Variants in WRN observed in about 807,000 individuals in gnomAD.
The protein encoded by WRN is bifunctional 3'-5' exonuclease/ATP-dependent helicase WRN.
Under a neutral mutation model 180.7 loss-of-function variants are expected in WRN, and 149 were observed. The ratio of observed to expected loss-of-function variants is 0.82; its 90% CI spans 0.72 to 0.94. WRN has a LOEUF of 0.94. Ranked by LOEUF, WRN falls within the 40% of genes least tolerant of loss-of-function variation. WRN has a pLI of 0.00. For synonymous variants in WRN, 548 were observed against 568.9 expected, an observed-to-expected ratio of 0.96 and a Z score of 0.52; for missense variants, 1,661 against 1,700.1, an observed-to-expected ratio of 0.98 and a Z score of 0.40.
Position 31,090,371 on chromosome 8 carries a change from CTA to C in WRN, c.1653-92_1653-91del, listed in dbSNP as rs1220695299. 7 of 1,218,442 alleles carry C rather than the reference CTA, an allele frequency of 5.7e-6. No individual in the cohort carries two copies. In the East Asian group the frequency reaches 1.4e-4, roughly 25 times the overall value. 75.5% of individuals were successfully genotyped at this position (1,218,442 alleles called of 1,614,324 possible). A position where few individuals can be genotyped will look rare whatever the true frequency, so the allele number is the denominator to read the frequency against. ...TATGTATGAAGTTTGAAAATAAATT[CTA>C]TGAGAGGAAATGAAAAATTGAATGG... On this transcript the variant is annotated intron_variant, in intron 13 of 34. Coordinates refer to ENST00000298139, the MANE Select transcript of WRN (RefSeq NM_000553.6).
intron 6 of WRN, among the ~76,000 whole-genome samples, chr8:31,067,779 T>C (rs923466139): frequency 3.9e-5 from 6 of 152,212 alleles, no homozygotes; most frequent in Non-Finnish European, 7.4e-5. Context: ...TCCTAACTCA[T>C]GCTTTCATTT....
Position 31,150,410 on chromosome 8 carries a change from T to C in WRN, c.3642T>C (p.Pro1214=), listed in dbSNP as rs777291010. 1.9e-6 allele frequency: 3 copies of C among 1,614,162 alleles called. No homozygotes were observed. Among genetic ancestry groups the C allele is most frequent in the Admixed American group, 3.3e-5 (2 of 60,024 alleles). Residue 1214 remains proline, a synonymous_variant, in exon 31 of 35, where the codon CCT becomes CCC. Coordinates refer to ENST00000298139, the MANE Select transcript of WRN (RefSeq NM_000553.6). ...VSEGKAAMLA[P]LLEVIKHFCQ... is the part of the protein sequence containing the mutation. ...AAGGCAAAGCTGCCATGTTGGCCCC[T>C]CTGTTGGAAGTCATCAAACATTTCT... is the stretch of plus-strand genomic sequence containing the variant.
At chr8:31,091,596 T>G (rs1585441625) in intron 15 of WRN, among the ~76,000 whole-genome samples, 1 of 152,116 alleles carries the variant, frequency 6.6e-6, no homozygotes, top group South Asian at 2.1e-4. Context: ...CTTTACCCCC[T>G]GTCATCCCCT....
At position 31,162,809 on chromosome 8, in the gene WRN, G is replaced by T. The variant is rs1458719724; in HGVS notation, c.3983-4213G>T. Reference sequence around the variant, plus strand: ...GTTGACTGCAACATCATTATGTGGTGCATGACTGTAAATTAGATACTGTTC... The same window carrying T: ...GTTGACTGCAACATCATTATGTGGTTCATGACTGTAAATTAGATACTGTTC... On this transcript the variant is annotated intron_variant, in intron 33 of 34. Transcript: ENST00000298139. 3.3e-5 allele frequency among the ~76,000 whole-genome samples: 5 copies of T among 152,252 alleles called. No individual in the cohort carries two copies. In the South Asian group the frequency reaches 8.3e-4, roughly 25 times the overall value.
intron 24 of WRN, among the ~76,000 whole-genome samples, chr8:31,140,406 A>G (rs1174134968): frequency 6.6e-6 from 1 of 152,188 alleles, no homozygotes; most frequent in Non-Finnish European, 1.5e-5. Flanking sequence ...ATGAAAAAGT[A>G]TTTCTATATG....
chr8:31,172,457 A>G (rs902762148), intron 34 of WRN, among the ~76,000 whole-genome samples: 6 of 152,304 alleles, frequency 3.9e-5, no homozygotes, highest in Middle Eastern at 6.8e-3. Context: ...AGATGAGTCT[A>G]TGAGACAAGA....
intron 24 of WRN, among the ~76,000 whole-genome samples, chr8:31,133,527 TAA>T (rs991410578): frequency 1.4e-5 from 2 of 138,906 alleles, no homozygotes; most frequent in Admixed American, 7.2e-5. Context: ...TCTGTCTCAA[TAA>T]AAAAAAAAAA....
chr8:31,039,405 G>A (rs1195560859), intron 1 of WRN, among the ~76,000 whole-genome samples: 1 of 151,756 alleles, frequency 6.6e-6, no homozygotes, highest in Non-Finnish European at 1.5e-5. Flanking sequence ...ATATTTCAAC[G>A]TTGATGTTGT....
chr8:31,124,037 C>G (rs1340380433), intron 21 of WRN, among the ~76,000 whole-genome samples: 2 of 152,028 alleles, frequency 1.3e-5, no homozygotes, highest in African/African-American at 2.4e-5. Flanking sequence ...GGCGAGAAGT[C>G]CTGAAGAGCT....
At chr8:31,123,108 A>G (rs1379823080) in intron 21 of WRN, among the ~76,000 whole-genome samples, 1 of 151,912 alleles carries the variant, frequency 6.6e-6, no homozygotes, top group East Asian at 1.9e-4. Context: ...GAGTACTGTA[A>G]TGAAATTTTG....
At chr8:31,151,836 TAAAA>T (rs946784373) in intron 31 of WRN, among the ~76,000 whole-genome samples, 3 of 151,250 alleles carry the variant, frequency 2.0e-5, no homozygotes, top group Non-Finnish European at 4.4e-5. Context: ...ATGAATTATT[TAAAA>T]AAAAACAACT....
intron 5 of WRN, among the ~76,000 whole-genome samples, chr8:31,066,571 A>T (rs1563330934): frequency 3.3e-5 from 5 of 151,804 alleles, no homozygotes; most frequent in South Asian, 2.1e-4. Context: ...TATATTTTTA[A>T]TCCATGTATA....
In WRN at chr8:31,132,394, C is replaced by G. The variant is rs1441659798; in HGVS notation, c.2855C>G (p.Ser952Ter). ...RLDHCYSMDD[S>*]EDTSWDFGPQ... is the part of the protein sequence containing the mutation. ...GATCATTGCTATTCCATGGATGACT[C>G]AGAGGATACATCCTGGGACTTTGGT... The change falls in exon 24 of 35, where the codon TCA becomes TGA. Residue 952 changes from serine to a stop codon, truncating the protein, a stop_gained. Transcript: ENST00000298139. LOFTEE classifies it high-confidence loss of function. 3 of 1,613,942 alleles carry G rather than the reference C, an allele frequency of 1.9e-6. No individual in the cohort carries two copies. The highest frequency in any genetic ancestry group is 2.5e-6 in the Non-Finnish European group (3 of 1,180,014).
chr8:31,076,359 T>G, intron 8 of WRN, 72 bp downstream of exon 8: 1 of 1,271,664 alleles, frequency 7.9e-7, no homozygotes, highest in Non-Finnish European at 1.1e-6. Context: ...TTCCTATATG[T>G]GAAGAATACT....
chr8:31,147,042 A>G lies in WRN; in HGVS notation c.3384-11A>G. ...AAGCTTTTATTATTTATTTTCTTTT[A>G]AATATTTTAGTATCATGGTACAGTC... On this transcript the variant is annotated splice_polypyrimidine_tract_variant and intron_variant, in intron 28 of 34. Coordinates refer to ENST00000298139, the MANE Select transcript of WRN (RefSeq NM_000553.6). 1 of 1,600,180 alleles carries G rather than the reference A, an allele frequency of 6.2e-7. No individual in the cohort carries two copies. Among genetic ancestry groups the G allele is most frequent in the Non-Finnish European group, 8.5e-7 (1 of 1,171,366 alleles).
chr8:31,131,578 T>C (rs980214853), intron 23 of WRN: 6 of 152,872 alleles, frequency 3.9e-5, no homozygotes, highest in African/African-American at 1.2e-4. Flanking sequence ...ATCAGTTTTG[T>C]CTTAAGCCTC....
intron 23 of WRN, among the ~76,000 whole-genome samples, chr8:31,127,782 G>C (rs911308077): frequency 6.6e-6 from 1 of 151,962 alleles, no homozygotes; most frequent in Non-Finnish European, 1.5e-5. Flanking sequence ...AAATTAGCTA[G>C]GCATAGCATT....
chr8:31,105,346 G>C (rs1033890921), intron 18 of WRN, among the ~76,000 whole-genome samples: 3 of 152,104 alleles, frequency 2.0e-5, no homozygotes, highest in Non-Finnish European at 4.4e-5. Flanking sequence ...TCAGCCTCCT[G>C]TTCCTTCTCA....
intron 33 of WRN, among the ~76,000 whole-genome samples, chr8:31,163,150 G>A (rs532765462): frequency 6.6e-6 from 1 of 152,328 alleles, no homozygotes; most frequent in East Asian, 1.9e-4. Context: ...GAATTCTTGG[G>A]CATATGTTCC....
Sources: gnomAD v4.1 joint callset for allele counts (sites outside exome capture counted in the v4.1 genomes callset) on GRCh38, gnomAD v4.1.1 for gene constraint, MANE v1.5 for transcripts, NCBI Gene and HGNC (gene_info 2026-07-23, HGNC 2026-07-21) for gene names.